The following RECQL variants were observed in gnomAD, a reference collection of about 807,000 sequenced individuals.
The protein encoded by RECQL is RecQ like helicase.
A neutral mutation model predicts 75.8 loss-of-function variants in RECQL; 73 were observed. The ratio of observed to expected loss-of-function variants is 0.96; its 90% confidence interval spans 0.80 to 1.17. RECQL has a LOEUF of 1.17. Ranked by LOEUF, RECQL falls within the 50% of genes most tolerant of loss-of-function variation. The pLI is 0.00. For synonymous variants in RECQL, 248 were observed against 254.4 expected, an observed-to-expected ratio of 0.97 and a Z score of 0.24; for missense variants, 699 against 772.1, an observed-to-expected ratio of 0.91 and a Z score of 1.12.
At chr12:21,481,763 A>G (rs1042907932) in intron 6 of RECQL, among the ~76,000 whole-genome samples, 4 of 152,210 alleles carry the variant, frequency 2.6e-5, no homozygotes, top group Non-Finnish European at 5.9e-5. Flanking sequence ...GAACACTAAT[A>G]TTTAAAAAGA....
At chr12:21,486,680 T>TC (rs1943310167) in intron 4 of RECQL, 95 bp from the exon 5 acceptor site, 1 of 1,097,202 alleles carries the variant, frequency 9.1e-7, no homozygotes, top group Non-Finnish European at 1.3e-6. Flanking sequence ...TTTTTTTTTT[T>TC]TTTTTTTAGA....
At chr12:21,475,132 T>TA (rs907718729) in intron 10 of RECQL, among the ~76,000 whole-genome samples, 153 bp from the exon 11 acceptor site, 11 of 151,594 alleles carry the variant, frequency 7.3e-5, no homozygotes, top group African/African-American at 2.4e-4. Flanking sequence ...ACCCTCAAAT[T>TA]AAAAAAAACT....
chr12:21,477,309 C>T (rs1433549431), intron 7 of RECQL, among the ~76,000 whole-genome samples: 7 of 152,016 alleles, frequency 4.6e-5, no homozygotes, highest in African/African-American at 1.7e-4. Flanking sequence ...TTAATGAAAA[C>T]TCAGAAAAAT....
rs1565566040 is a variant in RECQL, at chr12:21,477,805, C to T, written c.865G>A (p.Glu289Lys). The T allele has an allele frequency of 1.2e-6, 2 of 1,605,942 alleles. No individual in the cohort carries two copies. The highest frequency in any genetic ancestry group is 1.7e-6 in the Non-Finnish European group (2 of 1,174,596). Residue 289 changes from glutamate to lysine, a missense_variant and splice_region_variant, in exon 7 of 15, where the codon GAG becomes AAG. This residue lies in a region of RECQL where 669 missense variants were observed against 713.5 expected (regional missense o/e 0.94). Coordinates refer to ENST00000444129, the MANE Select transcript of RECQL (RefSeq NM_002907.4). Reference protein sequence around the residue: ...ASFNRPNLYYEVRQKPSNTED... With the variant: ...ASFNRPNLYYKVRQKPSNTED... ...GAATTGACATAAAAATTACATACCTCATAATATAGATTTGGCCTATTAAAA... is the reference window on the plus strand; with the variant it reads ...GAATTGACATAAAAATTACATACCTTATAATATAGATTTGGCCTATTAAAA...
In RECQL at chr12:21,471,374, T is replaced by TA. The variant is rs56736899; in HGVS notation, c.1667+53dup. ...AAACCGTTTATTCTGTTGCAATTTT[T>TA]AAAAAAAAACCATAAAGACAACCTG... is the stretch of plus-strand genomic sequence containing the variant. On this transcript the variant is annotated intron_variant, in intron 13 of 14. Transcript: ENST00000444129. 165 of 1,475,388 alleles carry TA rather than the reference T, an allele frequency of 1.1e-4. No individual in the cohort carries two copies. The African/African-American group carries it at 1.2e-3, about 11-fold the overall frequency. 91.4% of individuals were successfully genotyped at this position (1,475,388 alleles called of 1,614,324 possible).
chr12:21,471,031 G>A lies in RECQL; in HGVS notation c.1735C>T (p.Leu579=). The A allele has an allele frequency of 6.2e-7, 1 of 1,601,376 alleles. No homozygotes were observed. Among genetic ancestry groups the A allele is most frequent in the South Asian group, 1.1e-5 (1 of 89,376 alleles). Residue 579 remains leucine, a synonymous_variant, in exon 14 of 15, where the codon CTG becomes TTG. Coordinates refer to ENST00000444129, the MANE Select transcript of RECQL (RefSeq NM_002907.4). ...GTAATAGCATGTGCCTCATTGTTCA[G>A]AAGATTAGCTTTAGGTCCTATTTTC... ...YLKIGPKANL[L]NNEAHAITMQ...
In RECQL at chr12:21,474,430, C is replaced by T. The variant is rs577081193; in HGVS notation, c.1355+411G>A. Among the ~76,000 whole-genome samples, 9 of 152,168 alleles carry T rather than the reference C, an allele frequency of 5.9e-5. No individual in the cohort carries two copies. The South Asian group carries it at 1.9e-3, about 32-fold the overall frequency. ...GCCACCCTAAGTAGATTTAAACTTA[C>T]TTCTTAAGGAGAAACTTGGTATTTC... is the stretch of plus-strand genomic sequence containing the variant. On this transcript the variant is annotated intron_variant, in intron 11 of 14. Transcript: ENST00000444129.
chr12:21,480,335 C>T (rs1039410569), intron 6 of RECQL, among the ~76,000 whole-genome samples: 1 of 152,060 alleles, frequency 6.6e-6, no homozygotes, highest in Non-Finnish European at 1.5e-5. Flanking sequence ...AGTGTAAGAA[C>T]GGAATCAAAG....
intron 2 of RECQL, among the ~76,000 whole-genome samples, chr12:21,492,130 G>A (rs1055800472): frequency 6.6e-6 from 1 of 152,192 alleles, no homozygotes; most frequent in Non-Finnish European, 1.5e-5. Flanking sequence ...TAAAGTATCA[G>A]ACTTTGAAGC....
chr12:21,489,858 T>A (rs1943374752), intron 4 of RECQL, among the ~76,000 whole-genome samples: 1 of 152,176 alleles, frequency 6.6e-6, no homozygotes, highest in Admixed American at 6.5e-5. Context: ...CAGAAGTTTT[T>A]AAAACTCCTC....
chr12:21,471,636 T>G lies in RECQL; in HGVS notation c.1459A>C (p.Lys487Gln). ...NCCKDSAFER[K>Q]NITEYCRDLI... ...TCTCTGCAGTACTCTGTTATGTTCTTTCTTTCAAATGCTGTAATAAAACAA... is the reference window on the plus strand; with the variant it reads ...TCTCTGCAGTACTCTGTTATGTTCTGTCTTTCAAATGCTGTAATAAAACAA... Residue 487 changes from lysine to glutamine, a missense_variant, in exon 13 of 15, where the codon AAG becomes CAG. By Grantham distance (53) the Lys-to-Gln change is moderately conservative (BLOSUM62 1). Coordinates refer to ENST00000444129, the MANE Select transcript of RECQL (RefSeq NM_002907.4). 7 of 1,611,898 alleles carry G rather than the reference T, an allele frequency of 4.3e-6. No homozygotes were observed. Among genetic ancestry groups the G allele is most frequent in the Non-Finnish European group, 5.1e-6 (6 of 1,178,328 alleles).
At chr12:21,500,409 T>A (rs1397857333) in intron 1 of RECQL, among the ~76,000 whole-genome samples, 1 of 152,194 alleles carries the variant, frequency 6.6e-6, no homozygotes, top group Non-Finnish European at 1.5e-5. Context: ...AATATGGACA[T>A]TTTCTAAAAC....
chr12:21,478,410 GA>G (rs1390814908), intron 6 of RECQL, among the ~76,000 whole-genome samples: 1 of 151,992 alleles, frequency 6.6e-6, no homozygotes, highest in Admixed American at 6.6e-5. Context: ...GGAGGAAACT[GA>G]AAAAAATGTG....
At chr12:21,478,652 C>T (rs1308816275) in intron 6 of RECQL, among the ~76,000 whole-genome samples, 5 of 152,168 alleles carry the variant, frequency 3.3e-5, no homozygotes, top group African/African-American at 7.2e-5. Context: ...TTCACTGGGG[C>T]TAAGTCACAG....
rs767546518 is a variant in RECQL at position 21,477,890 on chromosome 12, G to A, written c.780C>T (p.His260=). 26 of 1,613,808 alleles carry A rather than the reference G, an allele frequency of 1.6e-5. No individual in the cohort carries two copies. Among genetic ancestry groups the A allele is most frequent in the Admixed American group, 3.3e-5 (2 of 59,950 alleles). The change falls in exon 7 of 15, where the codon CAC becomes CAT. Residue 260 remains histidine (H), a synonymous_variant. Coordinates refer to ENST00000444129, the MANE Select transcript of RECQL (RefSeq NM_002907.4). ...AAATTTTCTGAGCATCCGTCAAAAC[G>A]TGATTTGTTGCAGTTGCAGTCAGCC... is the stretch of plus-strand genomic sequence containing the variant. ...LIGLTATATN[H]VLTDAQKILC... is the part of the protein sequence containing the mutation.
chr12:21,474,096 A>G (rs1399159695), intron 11 of RECQL, among the ~76,000 whole-genome samples: 5 of 151,828 alleles, frequency 3.3e-5, no homozygotes, highest in Non-Finnish European at 7.4e-5. Flanking sequence ...TTTAAATTCA[A>G]TGTTTTGCAA....
At position 21,489,378 on chromosome 12, in the gene RECQL, ACT is replaced by A. The variant is rs1943366135; in HGVS notation, c.394+819_394+820del. Among the ~76,000 whole-genome samples the A allele has an allele frequency of 3.2e-5, 4 of 126,232 alleles. No homozygotes were observed. The Admixed American group carries it at 3.2e-4, about 10-fold the overall frequency. The allele number at this position is 126,232 out of a possible 152,430, so 82.8% of individuals were successfully genotyped here. A position where few individuals can be genotyped will look rare whatever the true frequency, so the allele number is the denominator to read the frequency against. Reference sequence around the variant, plus strand: ...AGAAAAAGCTTGCTGATCCCTTGCTACTACCCAATCAGTAATATCAGTAGCAC... The same window carrying A: ...AGAAAAAGCTTGCTGATCCCTTGCTAACCCAATCAGTAATATCAGTAGCAC... On this transcript the variant is annotated intron_variant, in intron 4 of 14. Coordinates refer to ENST00000444129, the MANE Select transcript of RECQL (RefSeq NM_002907.4).
intron 6 of RECQL, among the ~76,000 whole-genome samples, chr12:21,481,195 A>G (rs576239166): frequency 1.3e-5 from 2 of 152,226 alleles, no homozygotes; most frequent in Non-Finnish European, 2.9e-5. Flanking sequence ...GAGAAAGGAA[A>G]GGCGAAGAAA....
intron 1 of RECQL, among the ~76,000 whole-genome samples, chr12:21,499,943 C>T (rs1943576353): frequency 1.3e-5 from 2 of 152,142 alleles, no homozygotes; most frequent in African/African-American, 4.8e-5. Context: ...AGTGATGTAA[C>T]AAAAAACAGC....
Sources: allele counts gnomAD v4.1 joint callset (sites outside exome capture counted in the v4.1 genomes callset), GRCh38; gene constraint gnomAD v4.1.1; regional missense constraint gnomAD v4.1.1; transcripts MANE v1.5; gene names NCBI Gene and HGNC (gene_info 2026-07-23, HGNC 2026-07-21).